The following AKAP13 variants were observed in gnomAD, a reference collection of about 807,000 sequenced individuals.
AKAP13 encodes the protein A-kinase anchor protein 13.
In AKAP13, 80 loss-of-function variants were observed where a neutral mutation model predicts 264.5. The observed-to-expected ratio is 0.30, with a 90% CI of 0.25 to 0.36. AKAP13 has a LOEUF of 0.36. AKAP13 is among the 10% of genes least tolerant of loss of function. The pLI, the probability that AKAP13 is intolerant of heterozygous loss-of-function variation, is 1.00. For synonymous variants in AKAP13, 1,380 were observed against 1,250.2 expected, an observed-to-expected ratio of 1.10 and a Z score of -2.19; for missense variants, 3,712 against 3,435.2, an observed-to-expected ratio of 1.08 and a Z score of -2.01.
chr15:85,579,585 A>G lies in AKAP13; in HGVS notation c.1517A>G (p.Glu506Gly), dbSNP rs1359561821. ...CTTCAGGGAGGGGAAAGTACAAAGG[A>G]AAGATTTGAGAACTCTAATATTGGC... ...NVLQGGESTK[E>G]RFENSNIGTA... The change falls in exon 7 of 37, where the codon GAA becomes GGA. Residue 506 changes from glutamate to glycine, a missense_variant. This residue lies in a region of AKAP13 where 2,759 missense variants were observed against 2,411.7 expected (regional missense o/e 1.14). Coordinates refer to ENST00000394518, the MANE Select transcript of AKAP13 (RefSeq NM_007200.5). The G allele has an allele frequency of 6.2e-7, 1 of 1,614,224 alleles. No homozygotes were observed.
intron 1 of AKAP13, among the ~76,000 whole-genome samples, chr15:85,475,365 G>A (rs1174858281): frequency 6.6e-6 from 1 of 152,140 alleles, no homozygotes; most frequent in African/African-American, 2.4e-5. Context: ...ACAGCTGGTG[G>A]CAAAATTCTC....
chr15:85,671,627 T>G (rs562129375), intron 14 of AKAP13, among the ~76,000 whole-genome samples: 77 of 123,652 alleles, frequency 6.2e-4, no homozygotes, highest in Non-Finnish European at 1.0e-3. Flanking sequence ...TTCCTGTTTT[T>G]GCTTGTTTGG....
rs769651041 is a variant in AKAP13, at chr15:85,580,251, G to A, written c.2183G>A (p.Arg728His). The change falls in exon 7 of 37, where the codon CGT becomes CAT. Residue 728 changes from arginine (R) to histidine (H), a missense_variant. Arg to His is a conservative substitution (Grantham distance 29, BLOSUM62 0). Coordinates refer to ENST00000394518, the MANE Select transcript of AKAP13 (RefSeq NM_007200.5). ...GACCCTGTAAGGGATACCCAGGAAC[G>A]TGCGGATTTTTGTCCTTTCAAAGTG... ...TSDPVRDTQE[R>H]ADFCPFKVVD... is the part of the protein sequence containing the mutation. 9.9e-6 allele frequency: 16 copies of A among 1,614,066 alleles called. No homozygotes were observed. The highest frequency in any genetic ancestry group is 6.7e-5 in the East Asian group (3 of 44,892).
Position 85,520,466 on chromosome 15 carries a change from C to T in AKAP13, c.34-962C>T, listed in dbSNP as rs1349831436. 2.8e-5 allele frequency among the ~76,000 whole-genome samples: 4 copies of T among 144,842 alleles called. No homozygotes were observed. In the East Asian group the frequency reaches 7.9e-4, roughly 29 times the overall value. On this transcript the variant is annotated intron_variant, in intron 2 of 36. Transcript: ENST00000394518. Reference sequence around the variant, plus strand: ...TGAGCTGAGATCACGCCACTGCACTCCAGCCTGGGCAACAAGAGGGAAACT... The same window carrying T: ...TGAGCTGAGATCACGCCACTGCACTTCAGCCTGGGCAACAAGAGGGAAACT...
At chr15:85,400,870 ATATATTT>A (rs767933084) in intron 1 of AKAP13, among the ~76,000 whole-genome samples, 3 of 56,398 alleles carry the variant, frequency 5.3e-5, no homozygotes, top group Non-Finnish European at 4.3e-5. Flanking sequence ...ATATATATAT[ATATATTT>A]TTTTTTTTTA....
At chr15:85,399,518 AAAAAT>A (rs2071301819) in intron 1 of AKAP13, among the ~76,000 whole-genome samples, 3 of 126,958 alleles carry the variant, frequency 2.4e-5, no homozygotes, top group African/African-American at 6.2e-5. Flanking sequence ...AAAAAAAAAA[AAAAAT>A]AAAAAAATAA....
At chr15:85,385,433 C>A (rs2070508210) in intron 1 of AKAP13, among the ~76,000 whole-genome samples, 1 of 152,112 alleles carries the variant, frequency 6.6e-6, no homozygotes, top group Non-Finnish European at 1.5e-5. Context: ...TTTAGTGTAA[C>A]ATTCTCTGAG....
chr15:85,698,573 T>A (rs2085708257), intron 17 of AKAP13, among the ~76,000 whole-genome samples: 1 of 152,086 alleles, frequency 6.6e-6, no homozygotes, highest in Admixed American at 6.5e-5. Context: ...CCATCAGGTC[T>A]TTGTCATGAC....
In AKAP13 at chr15:85,748,607, G is replaced by T. The variant is rs2089437532; in HGVS notation, c.*3930G>T. 1.3e-5 allele frequency: 2 copies of T among 152,234 alleles called. No individual in the cohort carries two copies. The highest frequency in any genetic ancestry group is 6.5e-5 in the Admixed American group (1 of 15,276). 9.4% of individuals were successfully genotyped at this position (152,234 alleles called of 1,614,324 possible). On this transcript the variant is annotated 3_prime_UTR_variant, in exon 37 of 37. Transcript: ENST00000394518. ...CTTGGAATCTACTGCCTGCTGGCCA[G>T]GCTTTAAAATGAAAAGTGTTTTAAT...
chr15:85,409,020 T>C (rs928077095), intron 1 of AKAP13, among the ~76,000 whole-genome samples: 1 of 151,836 alleles, frequency 6.6e-6, no homozygotes, highest in African/African-American at 2.4e-5. Flanking sequence ...GTAGTCATCT[T>C]ATAGTGTGTG....
intron 5 of AKAP13, among the ~76,000 whole-genome samples, chr15:85,568,758 G>A (rs928997396): frequency 6.6e-6 from 1 of 152,212 alleles, no homozygotes; most frequent in Non-Finnish European, 1.5e-5. Flanking sequence ...GGTGATACAG[G>A]CACACATGTA....
intron 1 of AKAP13, among the ~76,000 whole-genome samples, chr15:85,396,104 G>A (rs751943485): frequency 4.6e-5 from 7 of 151,872 alleles, no homozygotes; most frequent in East Asian, 1.9e-4. Flanking sequence ...ATCCTGTTGC[G>A]AATAAATGAA....
At chr15:85,624,197 T>C (rs75205408) in intron 8 of AKAP13, among the ~76,000 whole-genome samples, 2,863 of 152,356 alleles carry the variant, frequency 0.019, 43 homozygotes, top group Non-Finnish European at 0.028. Context: ...TGCCTGTTAA[T>C]AGTAATGTGA....
At chr15:85,498,446 C>G (rs984479228) in intron 2 of AKAP13, among the ~76,000 whole-genome samples, 1 of 152,070 alleles carries the variant, frequency 6.6e-6, no homozygotes, top group African/African-American at 2.4e-5. Flanking sequence ...ACTTTATCTC[C>G]TCACCCATGT....
intron 5 of AKAP13, among the ~76,000 whole-genome samples, chr15:85,561,670 C>T (rs930173477): frequency 1.3e-5 from 2 of 152,016 alleles, no homozygotes; most frequent in African/African-American, 2.4e-5. Flanking sequence ...TCACTTTTTT[C>T]GAGATCTTGA....
At chr15:85,658,434 T>G (rs544437057) in intron 11 of AKAP13, 103 bp from the exon 12 acceptor site, 2 of 941,482 alleles carry the variant, frequency 2.1e-6, no homozygotes, top group African/African-American at 1.6e-5. Context: ...CCATTTCTCT[T>G]TGAGCAGTGT....
chr15:85,465,107 A>ATTTTTT, intron 1 of AKAP13, among the ~76,000 whole-genome samples: 1 of 136,002 alleles, frequency 7.4e-6, no homozygotes. Flanking sequence ...CGCCTGGCTA[A>ATTTTTT]TTTTTTTTTT....
At chr15:85,547,779 G>A (rs943869507) in intron 5 of AKAP13, among the ~76,000 whole-genome samples, 1 of 152,132 alleles carries the variant, frequency 6.6e-6, no homozygotes, top group Admixed American at 6.5e-5. Flanking sequence ...CTCAGTGATT[G>A]ACATATATGT....
intron 5 of AKAP13, among the ~76,000 whole-genome samples, chr15:85,549,857 C>T (rs2077891555): frequency 6.6e-6 from 1 of 152,132 alleles, no homozygotes; most frequent in Non-Finnish European, 1.5e-5. Flanking sequence ...CATTATATGA[C>T]TTTTAAAGTA....
Sources: gnomAD v4.1 joint callset for allele counts (sites outside exome capture counted in the v4.1 genomes callset) on GRCh38, gnomAD v4.1.1 for gene constraint, gnomAD v4.1.1 regional missense constraint, MANE v1.5 for transcripts, NCBI Gene and HGNC (gene_info 2026-07-23, HGNC 2026-07-21) for gene names.